The following HTR1F variants were observed in gnomAD, a reference collection of about 807,000 sequenced individuals.
HTR1F encodes the protein 5-hydroxytryptamine receptor 1F.
Under a neutral mutation model 24.0 loss-of-function variants are expected in HTR1F, and 17 were observed. The ratio of observed to expected loss-of-function variants is 0.71; its 90% CI spans 0.48 to 1.06. The LOEUF (loss-of-function observed/expected upper bound fraction) is 1.06, where lower values mean the gene tolerates loss of function less well. Among genes scored for constraint, HTR1F ranks in the 50% least tolerant of loss-of-function variants. The probability of loss-of-function intolerance (pLI) is 0.00; values close to 1 mark genes in which losing one functional copy is unlikely to be tolerated. For synonymous variants in HTR1F, 186 were observed against 156.8 expected (o/e 1.19, Z -1.39); for missense variants, 391 against 427.8 (o/e 0.91, Z 0.76).
chr3:87,834,116 G>A (rs1262067106), intron 2 of HTR1F, among the ~76,000 whole-genome samples: 1 of 152,114 alleles, frequency 6.6e-6, no homozygotes, highest in Non-Finnish European at 1.5e-5. Flanking sequence ...TATTTCAGTG[G>A]TTGTATTTCT....
At chr3:87,835,899 T>A (rs1704673494) in intron 2 of HTR1F, among the ~76,000 whole-genome samples, 1 of 152,170 alleles carries the variant, frequency 6.6e-6, no homozygotes, top group African/African-American at 2.4e-5. Flanking sequence ...GAACTTTTGT[T>A]GGGGCATTTT....
At chr3:87,827,705 T>C (rs2932310) in intron 2 of HTR1F, among the ~76,000 whole-genome samples, 67,789 of 152,116 alleles carry the variant, frequency 0.45, 18,724 homozygotes, top group African/African-American at 0.79. Context: ...AAAATACACA[T>C]TCACATTCTA....
At chr3:87,888,307 C>T (rs752313120) in intron 2 of HTR1F, among the ~76,000 whole-genome samples, 14 of 151,996 alleles carry the variant, frequency 9.2e-5, no homozygotes, top group East Asian at 7.7e-4. Flanking sequence ...CATCACACAC[C>T]GGGGCCTGTT....
At chr3:87,885,669 T>C (rs936840920) in intron 2 of HTR1F, among the ~76,000 whole-genome samples, 1 of 151,848 alleles carries the variant, frequency 6.6e-6, no homozygotes, top group African/African-American at 2.4e-5. Context: ...TCACTACCAA[T>C]CCCACAAAAA....
intron 2 of HTR1F, among the ~76,000 whole-genome samples, chr3:87,893,395 G>A (rs1706126023): frequency 1.3e-5 from 2 of 152,200 alleles, no homozygotes; most frequent in South Asian, 4.2e-4. Flanking sequence ...GCTAAATTGA[G>A]CAATATATTA....
intron 1 of HTR1F, among the ~76,000 whole-genome samples, chr3:87,807,087 C>A (rs1256784732): frequency 6.6e-6 from 1 of 151,872 alleles, no homozygotes; most frequent in Admixed American, 6.6e-5. Context: ...GTCCTTTTTG[C>A]TCAGGATTGC....
intron 2 of HTR1F, among the ~76,000 whole-genome samples, chr3:87,880,291 T>A (rs1705761631): frequency 6.6e-6 from 1 of 152,176 alleles, no homozygotes; most frequent in African/African-American, 2.4e-5. Context: ...TATCAAATTG[T>A]ACACTTTAAA....
rs576149431 is a variant in HTR1F at position 87,841,803 on chromosome 3, G to C, written c.-43+19679G>C. 2.0e-5 allele frequency among the ~76,000 whole-genome samples: 3 copies of C among 150,474 alleles called. No homozygotes were observed. The South Asian group carries it at 6.3e-4, about 31-fold the overall frequency. ...TAATCCCAGCTACTCAGGAGGCTGA[G>C]GCAGAAGAATCGCTTGAACCCTGGA... is the stretch of plus-strand genomic sequence containing the variant. On this transcript the variant is annotated intron_variant, in intron 2 of 2. Coordinates refer to ENST00000319595, the MANE Select transcript of HTR1F (RefSeq NM_001322209.2).
chr3:87,913,440 A>G (rs1247476502), intron 2 of HTR1F, among the ~76,000 whole-genome samples: 1 of 152,158 alleles, frequency 6.6e-6, no homozygotes, highest in African/African-American at 2.4e-5. Flanking sequence ...AAAATAACAG[A>G]TGCTAGTGAG....
chr3:87,987,873 C>A (rs1705709192), intron 2 of HTR1F, among the ~76,000 whole-genome samples: 1 of 143,442 alleles, frequency 7.0e-6, no homozygotes, highest in African/African-American at 2.6e-5. Flanking sequence ...TATATATATG[C>A]CAGTGTAAAA....
chr3:87,950,359 C>T (rs1344368489), intron 2 of HTR1F, among the ~76,000 whole-genome samples: 2 of 152,200 alleles, frequency 1.3e-5, no homozygotes, highest in African/African-American at 4.8e-5. Flanking sequence ...CTGCCTTGGA[C>T]TTCCTTATTA....
chr3:87,936,422 CT>C (rs1239176630), intron 2 of HTR1F, among the ~76,000 whole-genome samples: 11 of 152,156 alleles, frequency 7.2e-5, no homozygotes, highest in Non-Finnish European at 1.6e-4. Flanking sequence ...GTCTCCACGA[CT>C]GCTTTAGGAT....
intron 2 of HTR1F, among the ~76,000 whole-genome samples, chr3:87,860,458 G>A (rs1362349380): frequency 2.6e-5 from 4 of 152,010 alleles, no homozygotes; most frequent in African/African-American, 7.3e-5. Flanking sequence ...CTGACACTAG[G>A]CCACATCTTT....
chr3:87,884,369 C>T (rs1262153116), intron 2 of HTR1F, among the ~76,000 whole-genome samples: 1 of 152,136 alleles, frequency 6.6e-6, no homozygotes, highest in African/African-American at 2.4e-5. Context: ...TGGAAAGGAA[C>T]AACAGGTTAT....
At chr3:87,876,418 G>A (rs1705674112) in intron 2 of HTR1F, among the ~76,000 whole-genome samples, 1 of 152,076 alleles carries the variant, frequency 6.6e-6, no homozygotes, top group South Asian at 2.1e-4. Flanking sequence ...ATTCATACAA[G>A]GGAATATTAT....
chr3:87,955,617 CAAAT>C (rs1704926738), intron 2 of HTR1F, among the ~76,000 whole-genome samples: 1 of 151,372 alleles, frequency 6.6e-6, no homozygotes, highest in Non-Finnish European at 1.5e-5. Context: ...TTACAAATGC[CAAAT>C]AGTTTTCCAA....
chr3:87,794,030 G>C (rs1368053664), intron 1 of HTR1F, among the ~76,000 whole-genome samples: 7 of 151,114 alleles, frequency 4.6e-5, no homozygotes, highest in Non-Finnish European at 8.8e-5. Flanking sequence ...AACGGGTTTC[G>C]CTCTAGTTCT....
intron 2 of HTR1F, among the ~76,000 whole-genome samples, chr3:87,928,883 A>G (rs1357405061): frequency 6.6e-6 from 1 of 152,214 alleles, no homozygotes; most frequent in African/African-American, 2.4e-5. Flanking sequence ...TCCAGGTACC[A>G]AGAAAGCCAT....
chr3:87,926,018 T>G (rs1213687504), intron 2 of HTR1F, among the ~76,000 whole-genome samples: 1 of 152,216 alleles, frequency 6.6e-6, no homozygotes, highest in African/African-American at 2.4e-5. Flanking sequence ...GCTATCTTGA[T>G]GACATCCATT....
Sources: gnomAD v4.1 joint callset for allele counts (sites outside exome capture counted in the v4.1 genomes callset) on GRCh38, gnomAD v4.1.1 for gene constraint, MANE v1.5 for transcripts, NCBI Gene and HGNC (gene_info 2026-07-23, HGNC 2026-07-21) for gene names.